Variants in OR1L8 observed in about 807,000 individuals in gnomAD.
The protein encoded by OR1L8 is olfactory receptor 1L8.
For synonymous variants in OR1L8, 148 were observed against 147.0 expected (o/e 1.01, Z -0.05); for missense variants, 330 against 377.4 (o/e 0.87, Z 1.04).
At chr9:122,551,272 G>T in the OR1L8 span, among the ~76,000 whole-genome samples, 1 of 152,158 alleles carries the variant, frequency 6.6e-6, no homozygotes, top group Admixed American at 6.5e-5. Flanking sequence ...AGTCATTACA[G>T]ACCTAGGTGG....
intron 1 of OR1L8, among the ~76,000 whole-genome samples, chr9:122,580,637 GC>G (rs1829728412): frequency 6.6e-6 from 1 of 152,246 alleles, no homozygotes; most frequent in East Asian, 1.9e-4. Flanking sequence ...CAATGACTAA[GC>G]TAATTTTTTC....
Position 122,568,079 on chromosome 9 carries a change from A to C in OR1L8, c.399T>G (p.Tyr133Ter). 1 of 1,614,082 alleles carries C rather than the reference A, an allele frequency of 6.2e-7. No individual in the cohort carries two copies. Among genetic ancestry groups the C allele is most frequent in the African/African-American group, 1.3e-5 (1 of 75,034 alleles). ...AGTGGTGGTGGCTCATGGTGGTGAC[A>C]TAGTGGAAAGGGTCACAGACGGCCA... is the stretch of plus-strand genomic sequence containing the variant. Reference protein sequence around the residue: ...RYVAVCDPFHYVTTMSHHHCV... With the variant: ...RYVAVCDPFH The change falls in exon 5 of 5, where the codon TAT (tyrosine) becomes TAG (stop). Residue 133 changes from tyrosine (Y) to a stop codon, truncating the protein, a stop_gained. Transcript: ENST00000641027. LOFTEE classifies it low-confidence loss of function (END_TRUNC).
the OR1L8 span, among the ~76,000 whole-genome samples, chr9:122,560,683 T>A: frequency 6.6e-6 from 1 of 152,356 alleles, no homozygotes; most frequent in African/African-American, 2.4e-5. Flanking sequence ...GTAGGGTTTC[T>A]GCTGAGAGAT....
chr9:122,568,720 GA>G (rs148433945), intron 4 of OR1L8, 31 bp from the exon 5 acceptor site: 22,479 of 392,098 alleles, frequency 0.057, 852 homozygotes, highest in African/African-American at 0.11. Context: ...TTTTCCTTTA[GA>G]AACTTTCAGA....
chr9:122,565,137 G>GA (rs1426579992), downstream of OR1L8, among the ~76,000 whole-genome samples: 2 of 152,180 alleles, frequency 1.3e-5, no homozygotes, highest in African/African-American at 2.4e-5. Context: ...ACACCCAAGA[G>GA]AGAGGCACTA....
chr9:122,563,181 G>GT (rs1394601999), downstream of OR1L8, among the ~76,000 whole-genome samples: 4 of 90,206 alleles, frequency 4.4e-5, no homozygotes, highest in African/African-American at 1.8e-4. Context: ...ACTAGCATTT[G>GT]TTATTTTTTT....
the OR1L8 span, chr9:122,554,273 T>A: frequency 1.3e-6 from 1 of 793,052 alleles, no homozygotes; most frequent in Non-Finnish European, 2.0e-6. Flanking sequence ...ATCCGTTGAC[T>A]CTGAGTTAGG....
At position 122,568,222 on chromosome 9, in the gene OR1L8, A is replaced by G; in HGVS notation, c.256T>C (p.Phe86Leu). ...TSVVPKMLMN[F>L]LSEKKTISYA... is the part of the protein sequence containing the mutation. ...GAGATGGTCTTCTTTTCTGACAGGA[A>G]GTTCATCAGCATCTTGGGGACAACG... Residue 86 changes from phenylalanine to leucine, a missense_variant, in exon 5 of 5, where the codon TTC (phenylalanine) becomes CTC (leucine). Physicochemically the swap from Phe to Leu is conservative, Grantham distance 22. Transcript: ENST00000641027. The G allele has an allele frequency of 6.2e-7, 1 of 1,614,180 alleles. No individual in the cohort carries two copies. The highest frequency in any genetic ancestry group is 1.1e-5 in the South Asian group (1 of 91,076).
intron 1 of OR1L8, among the ~76,000 whole-genome samples, 152 bp from the exon 2 acceptor site, chr9:122,578,597 A>G (rs762139663): frequency 6.6e-6 from 1 of 152,212 alleles, no homozygotes; most frequent in Non-Finnish European, 1.5e-5. Context: ...TGATATATAC[A>G]TATACCATGG....
chr9:122,557,884 C>A, the OR1L8 span, among the ~76,000 whole-genome samples: 1 of 151,956 alleles, frequency 6.6e-6, no homozygotes, highest in African/African-American at 2.4e-5. Context: ...GAGTTAATTT[C>A]TTTAATAGAA....
At position 122,567,809 on chromosome 9, in the gene OR1L8, G is replaced by A. The variant is rs1240896513; in HGVS notation, c.669C>T (p.Leu223=). ...TAGAGGGAATCTTGAGAACTGTAGT[G>A]AGGATTCGTATATAAGAGAAAGCAA... is the stretch of plus-strand genomic sequence containing the variant. ...LCIAFSYIRI[L]TTVLKIPSTS... is the part of the protein sequence containing the mutation. The change falls in exon 5 of 5, where the codon CTC becomes CTT. Residue 223 remains leucine, a synonymous_variant. Coordinates refer to ENST00000641027, the MANE Select transcript of OR1L8 (RefSeq NM_001004454.2). The A allele has an allele frequency of 1.2e-6, 2 of 1,613,950 alleles. No homozygotes were observed. Among genetic ancestry groups the A allele is most frequent in the East Asian group, 2.2e-5 (1 of 44,876 alleles).
chr9:122,576,009 AT>A (rs1223106939), intron 3 of OR1L8, among the ~76,000 whole-genome samples: 9 of 152,106 alleles, frequency 5.9e-5, no homozygotes, highest in African/African-American at 1.9e-4. Flanking sequence ...TGTCTGGTTT[AT>A]TTCAGTTACC....
chr9:122,552,092 CAT>C, the OR1L8 span, among the ~76,000 whole-genome samples: 4 of 150,006 alleles, frequency 2.7e-5, no homozygotes, highest in African/African-American at 7.3e-5. Flanking sequence ...CACACACACA[CAT>C]ATACACCTTC....
At chr9:122,569,859 G>C (rs914039688) in intron 4 of OR1L8, among the ~76,000 whole-genome samples, 6 of 151,192 alleles carry the variant, frequency 4.0e-5, no homozygotes, top group South Asian at 2.1e-4. Context: ...TCCCCAGAGT[G>C]TGATGTTCCC....
rs1405873633 is a variant in OR1L8, at chr9:122,568,181, C to T, written c.297G>A (p.Leu99=). ...EKKTISYAGC[L]TQMYFLYALG... ...AGGCATAGAGAAAATACATCTGTGT[C>T]AGACACCCAGCATAGGAGATGGTCT... The change falls in exon 5 of 5, where the codon CTG becomes CTA. Residue 99 remains leucine (L), a synonymous_variant. Transcript: ENST00000641027. 3 of 1,614,176 alleles carry T rather than the reference C, an allele frequency of 1.9e-6. No individual in the cohort carries two copies. In the South Asian group the frequency reaches 3.3e-5, roughly 18 times the overall value.
downstream of OR1L8, among the ~76,000 whole-genome samples, chr9:122,564,607 G>C (rs1829401506): frequency 6.6e-6 from 1 of 152,206 alleles, no homozygotes; most frequent in African/African-American, 2.4e-5. Flanking sequence ...GAAGATAGAT[G>C]GATCCTGGAG....
downstream of OR1L8, among the ~76,000 whole-genome samples, chr9:122,564,763 C>T (rs1330933458): frequency 6.6e-6 from 1 of 152,192 alleles, no homozygotes; most frequent in Non-Finnish European, 1.5e-5. Flanking sequence ...TTTTCTCCAT[C>T]CCTGTCTGTA....
At chr9:122,571,942 G>C (rs1193645150) in intron 4 of OR1L8, among the ~76,000 whole-genome samples, 2 of 152,126 alleles carry the variant, frequency 1.3e-5, no homozygotes, top group Non-Finnish European at 2.9e-5. Context: ...AAGTAAAGAG[G>C]TTCAATTGCC....
chr9:122,561,253 G>T, the OR1L8 span, among the ~76,000 whole-genome samples: 2 of 152,012 alleles, frequency 1.3e-5, no homozygotes, highest in African/African-American at 4.8e-5. Context: ...CTTTATCAAG[G>T]TCCTTAGCTT....
Sources: allele counts gnomAD v4.1 joint callset (sites outside exome capture counted in the v4.1 genomes callset), GRCh38; gene constraint gnomAD v4.1.1; transcripts MANE v1.5; gene names NCBI Gene and HGNC (gene_info 2026-07-23, HGNC 2026-07-21).